The following RFX4 variants were observed in gnomAD, a reference collection of about 807,000 sequenced individuals.
RFX4 encodes transcription factor RFX4.
Under a neutral mutation model 95.0 loss-of-function variants are expected in RFX4, and 10 were observed. The observed-to-expected ratio is 0.11, with a 90% CI of 0.06 to 0.18. RFX4 has a LOEUF of 0.18. Ranked by LOEUF, RFX4 falls within the 10% of genes least tolerant of loss-of-function variation. The pLI is 1.00. For synonymous variants in RFX4, 321 were observed against 340.7 expected (o/e 0.94, Z 0.64); for missense variants, 640 against 922.0 (o/e 0.69, Z 3.96).
intron 4 of RFX4, among the ~76,000 whole-genome samples, chr12:106,660,513 G>A (rs865877577): frequency 1.6e-4 from 24 of 152,156 alleles, no homozygotes; most frequent in African/African-American, 5.3e-4. Flanking sequence ...CCCACACAAA[G>A]ATGGAGCATC....
chr12:106,620,979 C>T (rs1565953075), intron 2 of RFX4, among the ~76,000 whole-genome samples: 1 of 152,126 alleles, frequency 6.6e-6, no homozygotes, highest in Non-Finnish European at 1.5e-5. Context: ...TGTCTGACCC[C>T]ACAGGCAGTC....
chr12:106,618,370 A>G (rs1484037454), intron 2 of RFX4, among the ~76,000 whole-genome samples: 1 of 152,054 alleles, frequency 6.6e-6, no homozygotes, highest in Non-Finnish European at 1.5e-5. Context: ...TCCAGCTCTG[A>G]TTATGGTTAT....
intron 1 of RFX4, among the ~76,000 whole-genome samples, chr12:106,587,580 C>G (rs999708982): frequency 6.6e-6 from 1 of 152,234 alleles, no homozygotes. Flanking sequence ...CTTTTCTCAG[C>G]CCGCCTTGGA....
chr12:106,643,105 A>G (rs1025916312), intron 3 of RFX4, among the ~76,000 whole-genome samples: 7 of 152,122 alleles, frequency 4.6e-5, no homozygotes, highest in Non-Finnish European at 8.8e-5. Flanking sequence ...CCCCAACCCC[A>G]TTGTCCATCA....
chr12:106,584,014 A>G (rs1472424773), intron 1 of RFX4, among the ~76,000 whole-genome samples: 1 of 152,168 alleles, frequency 6.6e-6, no homozygotes, highest in Non-Finnish European at 1.5e-5. Context: ...GGGCTCCACT[A>G]GGGAGCTGTG....
intron 1 of RFX4, among the ~76,000 whole-genome samples, chr12:106,584,089 T>G (rs1402741571): frequency 6.6e-6 from 1 of 151,454 alleles, no homozygotes; most frequent in Non-Finnish European, 1.5e-5. Context: ...GTCTGCAAAC[T>G]GCTCTGCAGT....
intron 17 of RFX4, among the ~76,000 whole-genome samples, chr12:106,754,555 C>A (rs1260636424): frequency 6.6e-6 from 1 of 152,172 alleles, no homozygotes; most frequent in Non-Finnish European, 1.5e-5. Flanking sequence ...CATTCCCCCT[C>A]ATGAAATGGC....
intron 17 of RFX4, among the ~76,000 whole-genome samples, chr12:106,752,017 CT>C (rs1405083986): frequency 3.4e-5 from 5 of 145,494 alleles, no homozygotes; most frequent in Non-Finnish European, 7.5e-5. Context: ...TTGCCCATGC[CT>C]ATGTCCTGAA....
intron 15 of RFX4, among the ~76,000 whole-genome samples, chr12:106,737,157 C>G (rs12815798): frequency 9.6e-6 from 1 of 104,270 alleles, no homozygotes; most frequent in East Asian, 3.2e-4. Flanking sequence ...AGACTCGGAA[C>G]TAAAGTTTTT....
intron 2 of RFX4, among the ~76,000 whole-genome samples, chr12:106,619,212 ATCT>A (rs1226781611): frequency 2.6e-5 from 4 of 152,158 alleles, no homozygotes; most frequent in Non-Finnish European, 4.4e-5. Context: ...TCATGCTTCC[ATCT>A]GGAATCATTT....
At chr12:106,652,559 T>C (rs1174298572) in intron 3 of RFX4, among the ~76,000 whole-genome samples, 1 of 152,216 alleles carries the variant, frequency 6.6e-6, no homozygotes, top group Non-Finnish European at 1.5e-5. Flanking sequence ...CAACTCTTTC[T>C]GGGAACATTT....
intron 2 of RFX4, among the ~76,000 whole-genome samples, chr12:106,621,831 G>T (rs1318109685): frequency 6.6e-6 from 1 of 152,076 alleles, no homozygotes; most frequent in Non-Finnish European, 1.5e-5. Flanking sequence ...GAAAGATCTT[G>T]GTGTTTCGGG....
intron 2 of RFX4, among the ~76,000 whole-genome samples, chr12:106,622,105 C>A (rs941299370): frequency 6.6e-6 from 1 of 152,122 alleles, no homozygotes; most frequent in East Asian, 1.9e-4. Context: ...TAAGCTTATA[C>A]AAGAAGTCAA....
At chr12:106,748,289 T>C (rs181402381) in intron 16 of RFX4, among the ~76,000 whole-genome samples, 40 of 152,290 alleles carry the variant, frequency 2.6e-4, no homozygotes, top group African/African-American at 9.1e-4. Flanking sequence ...GGTGGCTCTT[T>C]GTACACTTCG....
At chr12:106,672,912 G>A (rs1049976912) in intron 4 of RFX4, among the ~76,000 whole-genome samples, 7 of 152,088 alleles carry the variant, frequency 4.6e-5, no homozygotes, top group Non-Finnish European at 2.9e-5. Context: ...ATACAGCAGC[G>A]CTTCCACCCA....
intron 1 of RFX4, among the ~76,000 whole-genome samples, chr12:106,602,386 T>C (rs2039730600): frequency 6.6e-6 from 1 of 152,222 alleles, no homozygotes; most frequent in South Asian, 2.1e-4. Flanking sequence ...GCCTTACCTT[T>C]ATAATTCCAG....
intron 4 of RFX4, among the ~76,000 whole-genome samples, chr12:106,657,506 G>T (rs2040983077): frequency 6.6e-6 from 1 of 152,158 alleles, no homozygotes; most frequent in Non-Finnish European, 1.5e-5. Context: ...CCGGCTTCCA[G>T]TAATGCTGTA....
intron 3 of RFX4, among the ~76,000 whole-genome samples, chr12:106,651,019 A>G (rs1187545364): frequency 6.6e-6 from 1 of 152,164 alleles, no homozygotes; most frequent in Non-Finnish European, 1.5e-5. Context: ...ACATTTTTAT[A>G]GTAACTCTTG....
intron 1 of RFX4, 49 bp downstream of exon 1, chr12:106,583,412 A>T (rs1334994539): frequency 2.0e-6 from 3 of 1,499,196 alleles, no homozygotes; most frequent in Admixed American, 2.4e-5. Context: ...GGGAAGGAGA[A>T]GGGAGAGGGG....
Sources: allele counts gnomAD v4.1 joint callset (sites outside exome capture counted in the v4.1 genomes callset), GRCh38; gene constraint gnomAD v4.1.1; transcripts MANE v1.5; gene names NCBI Gene and HGNC (gene_info 2026-07-23, HGNC 2026-07-21).